WNK1: variants seen among roughly 807,000 people sequenced by gnomAD.
WNK1 encodes serine/threonine-protein kinase WNK1.
WNK1 carries 38 observed loss-of-function variants against 222.8 expected under a neutral mutation model. The observed-to-expected ratio is 0.17, with a 90% CI of 0.13 to 0.22. The LOEUF (loss-of-function observed/expected upper bound fraction) is 0.22. Ranked by LOEUF, WNK1 falls within the 10% of genes least tolerant of loss-of-function variation. The probability of loss-of-function intolerance (pLI) is 1.00; values close to 1 mark genes in which losing one functional copy is unlikely to be tolerated. For missense variants in WNK1, 2,348 were observed against 2,918.4 expected, an observed-to-expected ratio of 0.80 and a Z score of 4.50; for synonymous variants, 1,090 against 1,092.9, an observed-to-expected ratio of 1.00 and a Z score of 0.05.
chr12:831,887 A>G (rs983952859), intron 4 of WNK1, among the ~76,000 whole-genome samples: 2 of 151,846 alleles, frequency 1.3e-5, no homozygotes, highest in Admixed American at 6.6e-5. Context: ...TAGGCTAAAC[A>G]TTTTTTGCAA....
At chr12:898,391 G>C (rs1954927332) in intron 25 of WNK1, among the ~76,000 whole-genome samples, 1 of 151,398 alleles carries the variant, frequency 6.6e-6, no homozygotes, top group Non-Finnish European at 1.5e-5. Context: ...GCTGAGGCAG[G>C]AGAATGGCAT....
At chr12:856,376 C>A (rs1323008373) in intron 4 of WNK1, among the ~76,000 whole-genome samples, 1 of 151,374 alleles carries the variant, frequency 6.6e-6, no homozygotes, top group East Asian at 2.0e-4. Context: ...ATCACGTGAA[C>A]CCAGGAGGCA....
chr12:900,572 T>C lies in WNK1; in HGVS notation c.6545T>C (p.Leu2182Ser), dbSNP rs780337085. 6.2e-7 allele frequency: 1 copy of C among 1,614,244 alleles called. No homozygotes were observed. The highest frequency in any genetic ancestry group is 1.1e-5 in the South Asian group (1 of 91,088). Residue 2182 changes from leucine (L) to serine (S), a missense_variant, in exon 26 of 28, where the codon TTA (leucine) becomes TCA (serine). Physicochemically the swap from Leu to Ser is moderately radical, Grantham distance 145. Around this residue, in one of 13 missense-constraint regions of WNK1, gnomAD observed 1,144 missense variants for 1,273.6 expected, o/e 0.90. Coordinates refer to ENST00000315939, the MANE Select transcript of WNK1 (RefSeq NM_018979.4). ...NIPESGQNQLLQPLKPSPSSD... is the reference protein window; with the variant it reads ...NIPESGQNQLSQPLKPSPSSD... ...CCAGAGTCCGGGCAGAATCAGCTGT[T>C]ACAGCCCCTTAAGCCATCTCCCTCC...
chr12:908,906 T>C lies in WNK1; in HGVS notation c.*114T>C. On this transcript the variant is annotated 3_prime_UTR_variant, in exon 28 of 28. Transcript: ENST00000315939. ...TACTAGTGCTGCATTTAACTGGTTA[T>C]TTCTTGCCAGAGGGGAATGTTTTTA... 1 of 1,214,662 alleles carries C rather than the reference T, an allele frequency of 8.2e-7. No homozygotes were observed. Among genetic ancestry groups the C allele is most frequent in the Admixed American group, 2.0e-5 (1 of 50,304 alleles). 75.2% of individuals were successfully genotyped at this position (1,214,662 alleles called of 1,614,324 possible).
At position 910,497 on chromosome 12, in the gene WNK1, C is replaced by G. The variant is rs1394592729; in HGVS notation, c.*1705C>G. 1 of 152,142 alleles carries G rather than the reference C, an allele frequency of 6.6e-6. No homozygotes were observed. The highest frequency in any genetic ancestry group is 2.4e-5 in the African/African-American group (1 of 41,422). 9.4% of individuals were successfully genotyped at this position (152,142 alleles called of 1,614,324 possible). ...ATCAGTGTTATTCAGTGCTATGCCT[C>G]CTTGTAATGGGTAGTTATTAATTAT... On this transcript the variant is annotated 3_prime_UTR_variant, in exon 28 of 28. Coordinates refer to ENST00000315939, the MANE Select transcript of WNK1 (RefSeq NM_018979.4).
Position 777,076 on chromosome 12 carries a change from A to T in WNK1, c.759+22752A>T, listed in dbSNP as rs137975196. Reference sequence around the variant, plus strand: ...TATTTAAACTCATTCCATGATGTGCAGTGTTAACTTTTTAGTTACTTTTCT... The same window carrying T: ...TATTTAAACTCATTCCATGATGTGCTGTGTTAACTTTTTAGTTACTTTTCT... On this transcript the variant is annotated intron_variant, in intron 1 of 27. Transcript: ENST00000315939. Among the ~76,000 whole-genome samples, 16 of 151,888 alleles carry T rather than the reference A, an allele frequency of 1.1e-4. No individual in the cohort carries two copies. The East Asian group carries it at 3.1e-3, about 29-fold the overall frequency.
chr12:770,611 C>G (rs1378263544), intron 1 of WNK1, among the ~76,000 whole-genome samples: 2 of 152,090 alleles, frequency 1.3e-5, no homozygotes, highest in Non-Finnish European at 2.9e-5. Context: ...TTACTACTTC[C>G]TTTTAAAAAA....
Position 835,380 on chromosome 12 carries a change from G to A in WNK1, c.1311+5220G>A, listed in dbSNP as rs1728777328. 2.6e-5 allele frequency among the ~76,000 whole-genome samples: 4 copies of A among 152,128 alleles called. No individual in the cohort carries two copies. The South Asian group carries it at 8.3e-4, about 32-fold the overall frequency. On this transcript the variant is annotated intron_variant, in intron 4 of 27. Coordinates refer to ENST00000315939, the MANE Select transcript of WNK1 (RefSeq NM_018979.4). ...ACCCACAATAGCTTAGATTGCTAAA[G>A]TAGTCCTCAGTTTTCTATATTCTGA...
intron 20 of WNK1, among the ~76,000 whole-genome samples, chr12:887,940 A>AGT (rs10641462): frequency 1 from 152,191 of 152,310 alleles, 76,036 homozygotes; most frequent in Non-Finnish European, 1. Context: ...CCCATCTCAC[A>AGT]CAGTTCTGCT....
intron 6 of WNK1, among the ~76,000 whole-genome samples, 168 bp downstream of exon 6, chr12:859,632 G>GTGTGTGTGTGTGTGTGTGGTT (rs369513114): frequency 8.2e-5 from 10 of 122,640 alleles, no homozygotes; most frequent in African/African-American, 3.0e-4. Context: ...GTGTGTGTGT[G>GTGTGTGTGTGTGTGTGTGGTT]TTTTTTTTTT....
Position 896,930 on chromosome 12 carries a change from ACACACACAC to A in WNK1, c.6245+199_6245+207del, listed in dbSNP as rs1250407490. ...CACACACACACACACACACACACAC[ACACACACAC>A]GATTCCCAACCACTGACTCACAGGC... On this transcript the variant is annotated intron_variant, in intron 24 of 27. Transcript: ENST00000315939. 4.9e-3 allele frequency among the ~76,000 whole-genome samples: 378 copies of A among 76,506 alleles called. 3 individuals carry two copies. Among genetic ancestry groups the A allele is most frequent in the African/African-American group, 0.017 (350 of 20,878 alleles). The allele number at this position is 76,506 out of a possible 152,430, so 50.2% of individuals were successfully genotyped here.
intron 2 of WNK1, among the ~76,000 whole-genome samples, chr12:816,465 G>A (rs1226840686): frequency 6.6e-6 from 1 of 150,594 alleles, no homozygotes; most frequent in Non-Finnish European, 1.5e-5. Flanking sequence ...TTTTTTAGTA[G>A]AGACAGTGTC....
chr12:804,663 G>A (rs565291278), intron 1 of WNK1, among the ~76,000 whole-genome samples: 9 of 152,016 alleles, frequency 5.9e-5, no homozygotes, highest in African/African-American at 9.7e-5. Context: ...GTGAGCCACC[G>A]TGCCTGGCCC....
At chr12:908,288 G>A (rs118032589) in intron 27 of WNK1, 187 bp from the exon 28 acceptor site, 5 of 756,954 alleles carry the variant, frequency 6.6e-6, no homozygotes, top group South Asian at 5.1e-5. Flanking sequence ...AGACACACAC[G>A]CACATGACAT....
At chr12:822,424 T>C (rs777486267) in intron 2 of WNK1, among the ~76,000 whole-genome samples, 2 of 152,210 alleles carry the variant, frequency 1.3e-5, no homozygotes, top group Non-Finnish European at 2.9e-5. Context: ...GACAGTCTTG[T>C]ACTGTTTTTT....
chr12:802,134 A>G (rs1945941099), intron 1 of WNK1, among the ~76,000 whole-genome samples: 1 of 152,234 alleles, frequency 6.6e-6, no homozygotes, highest in Admixed American at 6.5e-5. Flanking sequence ...TATGGTACAT[A>G]TACTTCTAGA....
chr12:908,830 G>A lies in WNK1; in HGVS notation c.*38G>A, dbSNP rs774547211. On this transcript the variant is annotated 3_prime_UTR_variant, in exon 28 of 28. Coordinates refer to ENST00000315939, the MANE Select transcript of WNK1 (RefSeq NM_018979.4). Reference sequence around the variant, plus strand: ...TAACTGAATAGATCTGGGGGCAGGAGATGGAATGCTGAGGGGGTGGGTGGG... The same window carrying A: ...TAACTGAATAGATCTGGGGGCAGGAAATGGAATGCTGAGGGGGTGGGTGGG... The A allele has an allele frequency of 2.7e-5, 17 of 626,942 alleles. No individual in the cohort carries two copies. Among genetic ancestry groups the A allele is most frequent in the Non-Finnish European group, 4.5e-5 (16 of 355,806 alleles). 38.8% of individuals were successfully genotyped at this position (626,942 alleles called of 1,614,324 possible). A position where few individuals can be genotyped will look rare whatever the true frequency, so the allele number is the denominator to read the frequency against.
chr12:897,717 C>CT (rs756193639), intron 25 of WNK1, 36 bp downstream of exon 25: 28 of 1,601,008 alleles, frequency 1.7e-5, no homozygotes, highest in Non-Finnish European at 8.6e-7. Context: ...CACAGCTGTC[C>CT]TATCTTTTGT....
intron 20 of WNK1, among the ~76,000 whole-genome samples, chr12:888,618 A>G (rs1430566683): frequency 6.6e-6 from 1 of 152,236 alleles, no homozygotes. Context: ...TGGAATACCC[A>G]GACCTCCTTG....
Sources: gnomAD v4.1 joint callset for allele counts (sites outside exome capture counted in the v4.1 genomes callset) on GRCh38, gnomAD v4.1.1 for gene constraint, gnomAD v4.1.1 regional missense constraint, MANE v1.5 for transcripts, NCBI Gene and HGNC (gene_info 2026-07-23, HGNC 2026-07-21) for gene names.